The following TXNDC16 variants were observed in gnomAD, a reference collection of about 807,000 sequenced individuals.
TXNDC16 encodes thioredoxin domain-containing protein 16.
A neutral mutation model predicts 85.6 loss-of-function variants in TXNDC16; 74 were observed. The ratio of observed to expected loss-of-function variants is 0.86; its 90% CI spans 0.72 to 1.05. The LOEUF is 1.05. TXNDC16 is among the 50% of genes least tolerant of loss of function. The pLI is 0.00. For missense variants in TXNDC16, 959 were observed against 947.0 expected (o/e 1.01, Z -0.17); for synonymous variants, 335 against 326.5 (o/e 1.03, Z -0.28).
chr14:52,448,569 C>T (rs2035336964), intron 18 of TXNDC16, among the ~76,000 whole-genome samples: 1 of 152,016 alleles, frequency 6.6e-6, no homozygotes, highest in Admixed American at 6.6e-5. Flanking sequence ...GAAAAGGACA[C>T]TAATGAGCAA....
At chr14:52,525,285 T>C (rs1372319463) in intron 6 of TXNDC16, among the ~76,000 whole-genome samples, 1 of 152,074 alleles carries the variant, frequency 6.6e-6, no homozygotes, top group African/African-American at 2.4e-5. Flanking sequence ...GCAAAATCCG[T>C]AACACATTAT....
intron 18 of TXNDC16, among the ~76,000 whole-genome samples, chr14:52,450,354 C>T (rs1342232317): frequency 1.3e-5 from 2 of 151,122 alleles, no homozygotes; most frequent in Non-Finnish European, 3.0e-5. Flanking sequence ...AATTCTTAGA[C>T]ACATACAACC....
intron 6 of TXNDC16, among the ~76,000 whole-genome samples, chr14:52,525,301 C>T (rs1419512089): frequency 6.6e-6 from 1 of 151,998 alleles, no homozygotes; most frequent in Non-Finnish European, 1.5e-5. Context: ...ATTATTTTCA[C>T]GTGTTATTTT....
chr14:52,479,946 T>G (rs751623880), intron 14 of TXNDC16, among the ~76,000 whole-genome samples: 10 of 152,160 alleles, frequency 6.6e-5, no homozygotes, highest in African/African-American at 2.4e-4. Context: ...CAAAACAGTG[T>G]GGTACTGGCA....
intron 9 of TXNDC16, among the ~76,000 whole-genome samples, chr14:52,495,510 G>A (rs1308456180): frequency 6.6e-6 from 1 of 152,214 alleles, no homozygotes; most frequent in Non-Finnish European, 1.5e-5. Flanking sequence ...GGTTCAGGTA[G>A]AGAAGTCAGA....
intron 9 of TXNDC16, among the ~76,000 whole-genome samples, chr14:52,493,151 G>C (rs1267552958): frequency 6.9e-6 from 1 of 145,252 alleles, no homozygotes; most frequent in Non-Finnish European, 1.5e-5. Flanking sequence ...AATTTAAAAA[G>C]AAGATTAGAG....
intron 12 of TXNDC16, among the ~76,000 whole-genome samples, chr14:52,485,192 C>G (rs1210125218): frequency 3.9e-5 from 6 of 152,106 alleles, no homozygotes; most frequent in African/African-American, 1.4e-4. Context: ...CCTGTACAAG[C>G]CTAGGCTAAT....
intron 6 of TXNDC16, among the ~76,000 whole-genome samples, chr14:52,529,439 T>A (rs2037422569): frequency 6.7e-6 from 1 of 149,870 alleles, no homozygotes; most frequent in South Asian, 2.1e-4. Flanking sequence ...AACCTGCACG[T>A]TGTGCACATG....
At chr14:52,441,164 TC>T (rs1220756187) in intron 18 of TXNDC16, among the ~76,000 whole-genome samples, 1 of 152,196 alleles carries the variant, frequency 6.6e-6, no homozygotes, top group Non-Finnish European at 1.5e-5. Context: ...TTTTACTTTT[TC>T]CAATATTATG....
intron 1 of TXNDC16, among the ~76,000 whole-genome samples, chr14:52,551,961 C>T (rs1308188764): frequency 6.6e-6 from 1 of 151,492 alleles, no homozygotes; most frequent in East Asian, 1.9e-4. Context: ...TCCCCCTGCT[C>T]ACAGATCGCT....
chr14:52,515,669 A>ATG (rs57407287), intron 7 of TXNDC16, among the ~76,000 whole-genome samples: 4,085 of 144,148 alleles, frequency 0.028, 50 homozygotes, highest in Middle Eastern at 0.05. Flanking sequence ...TTTCATACAT[A>ATG]TGTGTGTGTG....
chr14:52,511,667 G>C (rs1204152049), intron 8 of TXNDC16, among the ~76,000 whole-genome samples: 1 of 151,758 alleles, frequency 6.6e-6, no homozygotes, highest in Non-Finnish European at 1.5e-5. Context: ...ATTATAATAG[G>C]TTATAGGCAA....
At chr14:52,463,146 T>G (rs2035690690) in intron 16 of TXNDC16, among the ~76,000 whole-genome samples, 1 of 151,672 alleles carries the variant, frequency 6.6e-6, no homozygotes, top group Non-Finnish European at 1.5e-5. Flanking sequence ...CCTAATTTGA[T>G]CCTGGACCCA....
rs564749378 is a variant in TXNDC16, at chr14:52,454,040, T to C, written c.1842+1284A>G. On this transcript the variant is annotated intron_variant, in intron 18 of 20. Coordinates refer to ENST00000281741, the MANE Select transcript of TXNDC16 (RefSeq NM_020784.3). ...ATTTAAAAATAACTAAATGAGTAAA[T>C]TGGATTGTTTGAAACACAAAGGGTA... Among the ~76,000 whole-genome samples, 5 of 152,284 alleles carry C rather than the reference T, an allele frequency of 3.3e-5. No individual in the cohort carries two copies. The East Asian group carries it at 7.7e-4, about 24-fold the overall frequency.
At chr14:52,447,046 T>C (rs1374739201) in intron 18 of TXNDC16, among the ~76,000 whole-genome samples, 1 of 151,848 alleles carries the variant, frequency 6.6e-6, no homozygotes, top group Admixed American at 6.6e-5. Flanking sequence ...AAGGGGACTT[T>C]GTCTTGCACC....
chr14:52,541,292 G>C lies in TXNDC16; in HGVS notation c.243+1079C>G, dbSNP rs1173560197. 2.6e-5 allele frequency among the ~76,000 whole-genome samples: 4 copies of C among 151,996 alleles called. No homozygotes were observed. In the South Asian group the frequency reaches 8.3e-4, roughly 32 times the overall value. The stretch of plus-strand genomic sequence containing the variant: ...GTTCGTCCATAAGGGCAACAGCTTG[G>C]GCATGAACCTTAGCATTCTATTCAA... On this transcript the variant is annotated intron_variant, in intron 4 of 20. Transcript: ENST00000281741.
chr14:52,499,210 A>C (rs574940877), intron 9 of TXNDC16, among the ~76,000 whole-genome samples: 1 of 152,328 alleles, frequency 6.6e-6, no homozygotes, highest in Non-Finnish European at 1.5e-5. Context: ...ACCTGAAAGT[A>C]AAACTCCTAA....
chr14:52,525,532 A>C (rs2037308798), intron 6 of TXNDC16, among the ~76,000 whole-genome samples: 1 of 140,260 alleles, frequency 7.1e-6, no homozygotes, highest in South Asian at 2.2e-4. Flanking sequence ...TCTACTAAAA[A>C]TACAAAAAAA....
chr14:52,479,177 G>A (rs1405384585), intron 14 of TXNDC16, among the ~76,000 whole-genome samples: 11 of 152,056 alleles, frequency 7.2e-5, no homozygotes, highest in Non-Finnish European at 1.6e-4. Flanking sequence ...AGTAATAAAA[G>A]CCATCTATGA....
Sources: gnomAD v4.1 joint callset for allele counts (sites outside exome capture counted in the v4.1 genomes callset) on GRCh38, gnomAD v4.1.1 for gene constraint, MANE v1.5 for transcripts, NCBI Gene and HGNC (gene_info 2026-07-23, HGNC 2026-07-21) for gene names.